Variants in GRM7 observed in about 807,000 individuals in gnomAD.
GRM7 encodes glutamate metabotropic receptor 7, also known as metabotropic glutamate receptor 7.
Under a neutral mutation model 84.5 loss-of-function variants are expected in GRM7, and 35 were observed. That is an observed-to-expected ratio of 0.41 (90% CI 0.32 to 0.55). The LOEUF is 0.55. Among genes scored for constraint, GRM7 ranks in the 20% least tolerant of loss-of-function variants. GRM7 has a pLI of 0.19. For missense variants in GRM7, 1,003 were observed against 1,194.6 expected (o/e 0.84, Z 2.36); for synonymous variants, 487 against 455.1 (o/e 1.07, Z -0.89).
intron 5 of GRM7, among the ~76,000 whole-genome samples, chr3:7,422,591 C>T (rs1397106457): frequency 6.6e-6 from 1 of 152,142 alleles, no homozygotes; most frequent in African/African-American, 2.4e-5. Flanking sequence ...GGCGAGGAGA[C>T]TAATTTAGAT....
intron 8 of GRM7, among the ~76,000 whole-genome samples, chr3:7,676,018 C>A: frequency 6.6e-6 from 1 of 152,014 alleles, no homozygotes; most frequent in South Asian, 2.1e-4. Flanking sequence ...TTTTGTCGCC[C>A]AGGCTGGAGT....
At chr3:7,463,484 A>G (rs1011746320) in intron 7 of GRM7, among the ~76,000 whole-genome samples, 1 of 152,190 alleles carries the variant, frequency 6.6e-6, no homozygotes, top group Non-Finnish European at 1.5e-5. Flanking sequence ...AAGCACTGCA[A>G]GAGTCAATGT....
At chr3:7,262,102 T>A (rs2124960557) in intron 2 of GRM7, among the ~76,000 whole-genome samples, 1 of 151,932 alleles carries the variant, frequency 6.6e-6, no homozygotes, top group South Asian at 2.1e-4. Context: ...CCTTTGACTT[T>A]TTTTTTTTTC....
rs929739807 is a variant in GRM7, at chr3:7,403,388, G to A, written c.1034-11635G>A. On this transcript the variant is annotated intron_variant, in intron 4 of 9. Coordinates refer to ENST00000357716, the MANE Select transcript of GRM7 (RefSeq NM_000844.4). ...GTATTGTAATAGATACAATATCCAC[G>A]ATCTGTGGAAACATAAATTTCACCC... 8.6e-5 allele frequency among the ~76,000 whole-genome samples: 13 copies of A among 151,052 alleles called. 1 individual carries two copies. Among genetic ancestry groups the A allele is most frequent in the Middle Eastern group, 3.4e-3 (1 of 290 alleles).
intron 7 of GRM7, among the ~76,000 whole-genome samples, chr3:7,575,913 A>G (rs933002301): frequency 1.3e-5 from 2 of 152,210 alleles, no homozygotes; most frequent in Non-Finnish European, 2.9e-5. Context: ...AAGGGGAAAA[A>G]TAATGAGTTG....
chr3:7,562,336 C>A (rs765831880), intron 7 of GRM7, among the ~76,000 whole-genome samples: 3 of 149,672 alleles, frequency 2.0e-5, no homozygotes, highest in Admixed American at 2.0e-4. Context: ...TAATAGTTCA[C>A]TTTCCCCCTT....
intron 8 of GRM7, among the ~76,000 whole-genome samples, chr3:7,645,095 AT>A (rs928997902): frequency 2.6e-5 from 4 of 152,128 alleles, no homozygotes; most frequent in African/African-American, 9.7e-5. Flanking sequence ...TGTCCTGCCC[AT>A]TTTCCCCAAA....
intron 7 of GRM7, among the ~76,000 whole-genome samples, chr3:7,471,220 T>A (rs866475732): frequency 1.4e-5 from 2 of 147,380 alleles, no homozygotes; most frequent in Non-Finnish European, 3.0e-5. Context: ...AAAAAAAAAA[T>A]TACCGCTAAT....
chr3:7,640,008 A>G (rs9819314), intron 8 of GRM7, among the ~76,000 whole-genome samples: 1 of 152,014 alleles, frequency 6.6e-6, no homozygotes, highest in Non-Finnish European at 1.5e-5. Context: ...AGATTCAATC[A>G]TGTCATAGTA....
chr3:6,905,220 G>A (rs1281233115), intron 1 of GRM7, among the ~76,000 whole-genome samples: 1 of 152,140 alleles, frequency 6.6e-6, no homozygotes, highest in Admixed American at 6.5e-5. Flanking sequence ...TATTATTAGT[G>A]TTACGTTGTC....
At chr3:7,401,286 C>T (rs1695437196) in intron 4 of GRM7, among the ~76,000 whole-genome samples, 1 of 152,128 alleles carries the variant, frequency 6.6e-6, no homozygotes, top group Non-Finnish European at 1.5e-5. Context: ...TCATAAAACT[C>T]TCATCTGGCA....
intron 1 of GRM7, among the ~76,000 whole-genome samples, chr3:7,012,979 A>G (rs1296614261): frequency 2.0e-5 from 3 of 152,038 alleles, no homozygotes; most frequent in Non-Finnish European, 2.9e-5. Context: ...GCTTTGAGCA[A>G]TCTTCTGGCG....
intron 7 of GRM7, among the ~76,000 whole-genome samples, chr3:7,472,613 T>TG (rs931975320): frequency 6.6e-6 from 1 of 152,158 alleles, no homozygotes; most frequent in Non-Finnish European, 1.5e-5. Context: ...TCCTTGCAGA[T>TG]GGCATAGCCC....
At chr3:7,464,611 AC>A (rs1259515164) in intron 7 of GRM7, among the ~76,000 whole-genome samples, 1 of 151,868 alleles carries the variant, frequency 6.6e-6, no homozygotes, top group African/African-American at 2.4e-5. Flanking sequence ...TGGGCAGATC[AC>A]GAGGTCAGGA....
At chr3:7,032,362 T>C (rs780505471) in intron 1 of GRM7, among the ~76,000 whole-genome samples, 1 of 152,218 alleles carries the variant, frequency 6.6e-6, no homozygotes, top group Non-Finnish European at 1.5e-5. Flanking sequence ...GTAGACAACT[T>C]TCTATTTAAC....
chr3:7,172,078 A>C (rs1344788361), intron 2 of GRM7, among the ~76,000 whole-genome samples: 1 of 152,174 alleles, frequency 6.6e-6, no homozygotes, highest in Non-Finnish European at 1.5e-5. Flanking sequence ...AGTGTGTTCC[A>C]TTTCCATGTA....
chr3:7,575,382 T>TTACTGGCTCTCCTAAC (rs1373321517), intron 7 of GRM7, among the ~76,000 whole-genome samples: 111 of 152,340 alleles, frequency 7.3e-4, no homozygotes, highest in African/African-American at 2.4e-3. Context: ...TGAAACAGTT[T>TTACTGGCTCTCCTAAC]TGTTGCGGAG....
intron 1 of GRM7, among the ~76,000 whole-genome samples, chr3:7,001,605 G>A (rs2124877724): frequency 6.6e-6 from 1 of 152,264 alleles, no homozygotes; most frequent in Non-Finnish European, 1.5e-5. Flanking sequence ...TTTAAATTGA[G>A]TTGAGAAAAC....
chr3:7,215,754 T>C (rs1368264225), intron 2 of GRM7, among the ~76,000 whole-genome samples: 2 of 152,182 alleles, frequency 1.3e-5, no homozygotes, highest in African/African-American at 4.8e-5. Flanking sequence ...TGCATAAAAA[T>C]GTCTTATGGG....
Sources: allele counts gnomAD v4.1 joint callset (sites outside exome capture counted in the v4.1 genomes callset), GRCh38; gene constraint gnomAD v4.1.1; transcripts MANE v1.5; gene names NCBI Gene and HGNC (gene_info 2026-07-23, HGNC 2026-07-21).